Variants in IRF7 observed in about 807,000 individuals in gnomAD.
IRF7 encodes interferon regulatory factor 7.
IRF7 carries 67 observed loss-of-function variants against 51.3 expected under a neutral mutation model. The observed-to-expected ratio is 1.31, with a 90% CI of 1.07 to 1.60. The LOEUF (loss-of-function observed/expected upper bound fraction) is 1.60. Among genes scored for constraint, IRF7 ranks in the 40% most tolerant of loss-of-function variants. IRF7 has a pLI of 0.00. For missense variants in IRF7, 873 were observed against 701.5 expected (o/e 1.24, Z -2.76); for synonymous variants, 427 against 301.3 (o/e 1.42, Z -4.32).
rs778976185 is a variant in IRF7 at position 614,924 on chromosome 11, G to A, written c.267C>T (p.Ala89=). ...CGCAGCGGAAGTTGGTTTTCCAGCC[G>A]GCGCGCTCCGCAGTCTCAGCCTCGG... ...PPPEAETAER[A]GWKTNFRCAL... The change falls in exon 4 of 11, where the codon GCC becomes GCT. Residue 89 remains alanine, a synonymous_variant. Transcript: ENST00000525445. 1.3e-5 allele frequency: 20 copies of A among 1,583,634 alleles called. No individual in the cohort carries two copies. The highest frequency in any genetic ancestry group is 1.1e-4 in the East Asian group (5 of 43,918).
Position 614,947 on chromosome 11 carries a change from C to CG in IRF7, c.243dup (p.Glu82ArgfsTer3), listed in dbSNP as rs757899679. On this transcript the variant is annotated frameshift_variant, in exon 4 of 11. Transcript: ENST00000525445. LOFTEE classifies it high-confidence loss of function. The stretch of plus-strand genomic sequence containing the variant: ...CCGGCGCGCTCCGCAGTCTCAGCCT[C>CG]GGGGGGCGGGCCACCTCCCCTGCTG... 2.7e-5 allele frequency: 42 copies of CG among 1,568,002 alleles called. No individual in the cohort carries two copies. Among genetic ancestry groups the CG allele is most frequent in the African/African-American group, 6.8e-5 (5 of 74,056 alleles).
Position 615,462 on chromosome 11 carries a change from G to C in IRF7, c.-98C>G. Reference sequence around the variant, plus strand: ...AGACGCCAGGCCGCGGCCACAGGTCGTGTGGCCAGGTGTCACAGGTGTCCA... The same window carrying C: ...AGACGCCAGGCCGCGGCCACAGGTCCTGTGGCCAGGTGTCACAGGTGTCCA... On this transcript the variant is annotated 5_prime_UTR_variant, in exon 2 of 11. Coordinates refer to ENST00000525445, the MANE Select transcript of IRF7 (RefSeq NM_001572.5). 1 of 1,331,950 alleles carries C rather than the reference G, an allele frequency of 7.5e-7. No homozygotes were observed. The highest frequency in any genetic ancestry group is 1.0e-6 in the Non-Finnish European group (1 of 1,004,024). 82.5% of individuals were successfully genotyped at this position (1,331,950 alleles called of 1,614,324 possible).
In IRF7 at chr11:613,995, T is replaced by A; in HGVS notation, c.722A>T (p.Glu241Val). 1 of 1,608,678 alleles carries A rather than the reference T, an allele frequency of 6.2e-7. No individual in the cohort carries two copies. The highest frequency in any genetic ancestry group is 8.5e-7 in the Non-Finnish European group (1 of 1,178,552). The stretch of plus-strand genomic sequence containing the variant: ...CTGGGGCCCGGGGCTGGGGGTCGTC[T>A]CTACTGCCCACCCGTACAGCTCCCC... Reference protein sequence around the residue: ...PAGELYGWAVETTPSPGPQPA... With the variant: ...PAGELYGWAVVTTPSPGPQPA... Residue 241 changes from glutamate to valine, a missense_variant, in exon 7 of 11, where the codon GAG becomes GTG. Transcript: ENST00000525445.
intron 5 of IRF7, 35 bp downstream of exon 5, chr11:614,441 C>T (rs1472301366): frequency 1.3e-6 from 2 of 1,578,846 alleles, no homozygotes; most frequent in Non-Finnish European, 1.7e-6. Flanking sequence ...GCTCCGCGGC[C>T]TGGCAGGAGG....
rs373936700 is a variant in IRF7 at position 613,982 on chromosome 11, G to T, written c.735C>A (p.Ser245Arg). ...TTAGTGCCGCGGGCTGGGGCCCGGG[G>T]CTGGGGGTCGTCTCTACTGCCCACC... ...LYGWAVETTPSPGPQPAALTT... is the reference protein window; with the variant it reads ...LYGWAVETTPRPGPQPAALTT... Residue 245 changes from serine to arginine, a missense_variant, in exon 7 of 11, where the codon AGC becomes AGA. Transcript: ENST00000525445. 7 of 1,607,836 alleles carry T rather than the reference G, an allele frequency of 4.4e-6. No individual in the cohort carries two copies. The African/African-American group carries it at 9.4e-5, about 22-fold the overall frequency.
At chr11:614,614 C>T (rs112559317) in intron 4 of IRF7, 80 bp from the exon 5 acceptor site, 4 of 1,505,964 alleles carry the variant, frequency 2.7e-6, no homozygotes. Flanking sequence ...CCCCCACCAG[C>T]TTCCTGGCTG....
Position 612,753 on chromosome 11 carries a change from C to T in IRF7, c.1404G>A (p.Glu468=), listed in dbSNP as rs1321934868. Residue 468 remains glutamate, a synonymous_variant, in exon 11 of 11, where the codon GAG becomes GAA. Coordinates refer to ENST00000525445, the MANE Select transcript of IRF7 (RefSeq NM_001572.5). ...CRVHLEGTQR[E]GVSSLDSSSL... ...TGCTGCTATCCAGGGAAGACACACC[C>T]TCACGCTGCGTGCCCTCTAGGTGCA... is the stretch of plus-strand genomic sequence containing the variant. 1.2e-6 allele frequency: 2 copies of T among 1,612,416 alleles called. No individual in the cohort carries two copies. Among genetic ancestry groups the T allele is most frequent in the South Asian group, 1.1e-5 (1 of 91,090 alleles).
intron 7 of IRF7, 23 bp downstream of exon 7, chr11:613,928 C>T (rs770715977): frequency 3.1e-6 from 5 of 1,602,434 alleles, no homozygotes; most frequent in Non-Finnish European, 3.4e-6. Flanking sequence ...TGCCCCAGGC[C>T]TCCCAACCCC....
At chr11:614,644 C>G in intron 4 of IRF7, 110 bp from the exon 5 acceptor site, 1 of 1,433,284 alleles carries the variant, frequency 7.0e-7, no homozygotes, top group Non-Finnish European at 9.5e-7. Flanking sequence ...AGGCTGTGGC[C>G]TGAGGAGGTG....
Position 615,250 on chromosome 11 carries a change from TGG to T in IRF7, c.28_29del (p.Pro10ThrfsTer18). 1 of 1,582,998 alleles carries T rather than the reference TGG, an allele frequency of 6.3e-7. No individual in the cohort carries two copies. The highest frequency in any genetic ancestry group is 8.5e-7 in the Non-Finnish European group (1 of 1,169,756). On this transcript the variant is annotated frameshift_variant, in exon 3 of 11. Transcript: ENST00000525445. LOFTEE classifies it high-confidence loss of function. ...GGAGCCACTCTCCGAACAGCACGCG[TGG>T]GGCTGCCCTGCGGGTGCCCGGCCGC... is the stretch of plus-strand genomic sequence containing the variant. MALAPERAA[P>X]RVLFGEWLLG... is the part of the protein sequence containing the mutation.
rs1051298659 is a variant in IRF7 at position 614,813 on chromosome 11, C to A, written c.378G>T (p.Arg126=). 1 of 1,549,998 alleles carries A rather than the reference C, an allele frequency of 6.5e-7. No homozygotes were observed. Among genetic ancestry groups the A allele is most frequent in the South Asian group, 1.2e-5 (1 of 84,162 alleles). The change falls in exon 4 of 11, where the codon CGG becomes CGT. Residue 126 remains arginine (R), a synonymous_variant. Coordinates refer to ENST00000525445, the MANE Select transcript of IRF7 (RefSeq NM_001572.5). The part of the protein sequence containing the change: ...ADPHKVYALS[R]ELCWREGPGT... ...GTCGCTCACCTCGCCAGCACAGCTC[C>A]CGGCTGAGCGCGTACACCTTGTGCG...
chr11:613,727 AAGCCGTGAGTGACGGG>A lies in IRF7; in HGVS notation c.847+42_847+57del. 13 of 1,125,010 alleles carry A rather than the reference AAGCCGTGAGTGACGGG, an allele frequency of 1.2e-5. No homozygotes were observed. In the East Asian group the frequency reaches 4.0e-4, roughly 35 times the overall value. 69.7% of individuals were successfully genotyped at this position (1,125,010 alleles called of 1,614,324 possible). A position where few individuals can be genotyped will look rare whatever the true frequency, so the allele number is the denominator to read the frequency against. ...ATGTGAGTGATGGGTGGGCGGGGAC[AAGCCGTGAGTGACGGG>A]GGTGGGCGGGGACAGGCTGCCCCTT... On this transcript the variant is annotated intron_variant, in intron 8 of 10. Coordinates refer to ENST00000525445, the MANE Select transcript of IRF7 (RefSeq NM_001572.5).
chr11:612,723 G>A lies in IRF7; in HGVS notation c.1434C>T (p.Leu478=), dbSNP rs1589916026. 3 of 1,612,810 alleles carry A rather than the reference G, an allele frequency of 1.9e-6. No homozygotes were observed. The highest frequency in any genetic ancestry group is 1.1e-5 in the South Asian group (1 of 91,086). The change falls in exon 11 of 11, where the codon CTC becomes CTT. Residue 478 remains leucine (L), a synonymous_variant. Transcript: ENST00000525445. ...TGTTGGCGCTGGACAGGCAGAGGCT[G>A]AGGCTGCTGCTATCCAGGGAAGACA... ...EGVSSLDSSS[L]SLCLSSANSL...
In IRF7 at chr11:615,394, G is replaced by A. The variant is rs1441871878; in HGVS notation, c.-30C>T. 9 of 1,484,246 alleles carry A rather than the reference G, an allele frequency of 6.1e-6. No individual in the cohort carries two copies. Among genetic ancestry groups the A allele is most frequent in the South Asian group, 1.4e-5 (1 of 73,696 alleles). 91.9% of individuals were successfully genotyped at this position (1,484,246 alleles called of 1,614,324 possible). On this transcript the variant is annotated 5_prime_UTR_variant, in exon 2 of 11. Transcript: ENST00000525445. Reference sequence around the variant, plus strand: ...CCTTCTGCAGGGGCAGTTAGGTGGCGGTCAGGTGTTATAACAGGGGAGGTA... The same window carrying A: ...CCTTCTGCAGGGGCAGTTAGGTGGCAGTCAGGTGTTATAACAGGGGAGGTA...
Position 615,547 on chromosome 11 carries a change from A to AG in IRF7, c.-184dup. ...TGCCTCGGTATGGATCTCTTGGCAG[A>AG]GGGGGCTACAGGTGTGACTGCAGGT... On this transcript the variant is annotated 5_prime_UTR_variant, in exon 2 of 11. Transcript: ENST00000525445. 1 of 611,358 alleles carries AG rather than the reference A, an allele frequency of 1.6e-6. No individual in the cohort carries two copies. The highest frequency in any genetic ancestry group is 3.0e-5 in the East Asian group (1 of 33,242). 37.9% of individuals were successfully genotyped at this position (611,358 alleles called of 1,614,324 possible).
chr11:614,584 AC>A, intron 4 of IRF7, 50 bp from the exon 5 acceptor site: 2 of 1,542,898 alleles, frequency 1.3e-6, no homozygotes, highest in Non-Finnish European at 1.8e-6. Flanking sequence ...AGTGAGAGAT[AC>A]AAGGAGAGCC....
intron 8 of IRF7, 91 bp downstream of exon 8, chr11:613,694 G>C (rs1856600519): frequency 1.2e-6 from 1 of 834,924 alleles, no homozygotes; most frequent in South Asian, 2.1e-5. Flanking sequence ...GGGGTGGGCG[G>C]GGACAGGATG....
intron 7 of IRF7, 42 bp downstream of exon 7, chr11:613,909 C>T (rs754144835): frequency 1.2e-6 from 2 of 1,600,130 alleles, no homozygotes; most frequent in South Asian, 2.2e-5. Context: ...CATCCCTAGC[C>T]TCTCCCTGTG....
Position 614,019 on chromosome 11 carries a change from C to A in IRF7, c.698G>T (p.Gly233Val). The change falls in exon 7 of 11, where the codon GGG (glycine) becomes GTG (valine). Residue 233 changes from glycine (G) to valine (V), a missense_variant. By Grantham distance (109) the Gly-to-Val change is moderately radical. Transcript: ENST00000525445. Reference sequence around the variant, plus strand: ...CTCTACTGCCCACCCGTACAGCTCCCCAGCAGGGAGCCCTGGGCCTGAGGA... The same window carrying A: ...CTCTACTGCCCACCCGTACAGCTCCACAGCAGGGAGCCCTGGGCCTGAGGA... ...ACAGGPGLPA[G>V]ELYGWAVETT... is the part of the protein sequence containing the mutation. The A allele has an allele frequency of 6.2e-7, 1 of 1,609,124 alleles. No homozygotes were observed. The highest frequency in any genetic ancestry group is 8.5e-7 in the Non-Finnish European group (1 of 1,178,560).
Sources: allele counts gnomAD v4.1 joint callset, GRCh38; gene constraint gnomAD v4.1.1; transcripts MANE v1.5; gene names NCBI Gene and HGNC (gene_info 2026-07-23, HGNC 2026-07-21).